Variants in UBE2L3 observed in about 807,000 individuals in gnomAD.
UBE2L3 encodes the protein ubiquitin conjugating enzyme E2 L3, also known as ubiquitin-conjugating enzyme E2 L3.
A neutral mutation model predicts 17.8 loss-of-function variants in UBE2L3; 1 was observed. That is an observed-to-expected ratio of 0.06 (90% confidence interval 0.02 to 0.27). UBE2L3 has a LOEUF of 0.27. Ranked by LOEUF, UBE2L3 falls within the 10% of genes least tolerant of loss-of-function variation. The pLI is 1.00. For synonymous variants in UBE2L3, 44 were observed against 68.5 expected, an observed-to-expected ratio of 0.64 and a Z score of 1.76; for missense variants, 40 against 192.6, an observed-to-expected ratio of 0.21 and a Z score of 4.69.
intron 2 of UBE2L3, among the ~76,000 whole-genome samples, 192 bp downstream of exon 2, chr22:21,593,148 C>G (rs1030089187): frequency 1.3e-5 from 2 of 152,050 alleles, no homozygotes; most frequent in East Asian, 3.9e-4. Context: ...CATCTTGGCA[C>G]TCGTTTTGTC....
At chr22:21,589,196 A>C (rs1928120757) in intron 1 of UBE2L3, among the ~76,000 whole-genome samples, 1 of 131,584 alleles carries the variant, frequency 7.6e-6, no homozygotes, top group Non-Finnish European at 1.5e-5. Flanking sequence ...CCCAGGCTGG[A>C]GTGCAGTGGC....
chr22:21,593,488 C>T (rs1444864435), intron 2 of UBE2L3, among the ~76,000 whole-genome samples: 9 of 152,112 alleles, frequency 5.9e-5, no homozygotes, highest in African/African-American at 2.2e-4. Context: ...GCTTATGCCT[C>T]CAGTGTCTGC....
At chr22:21,598,999 T>C (rs5998644) in intron 2 of UBE2L3, among the ~76,000 whole-genome samples, 47,854 of 151,786 alleles carry the variant, frequency 0.32, 8,780 homozygotes, top group East Asian at 0.51. Context: ...ACCACCACGC[T>C]CGGCTAATTC....
chr22:21,594,762 G>C (rs1222014761), intron 2 of UBE2L3, among the ~76,000 whole-genome samples: 1 of 152,178 alleles, frequency 6.6e-6, no homozygotes, highest in East Asian at 1.9e-4. Flanking sequence ...GGGTTGGCCT[G>C]TGAGTGCAGC....
At position 21,616,030 on chromosome 22, in the gene UBE2L3, A is replaced by C. The variant is rs147516331; in HGVS notation, c.310+4987A>C. 1.6e-4 allele frequency among the ~76,000 whole-genome samples: 25 copies of C among 152,340 alleles called. No individual in the cohort carries two copies. The East Asian group carries it at 3.7e-3, about 22-fold the overall frequency. On this transcript the variant is annotated intron_variant, in intron 3 of 3. Transcript: ENST00000342192. The stretch of plus-strand genomic sequence containing the variant: ...TAAGCTTTATTTGGGCATGAGTTAT[A>C]GTGCTGCTGAGTCAATATTACCTAT...
chr22:21,592,735 G>A, intron 1 of UBE2L3, 126 bp from the exon 2 acceptor site: 1 of 744,796 alleles, frequency 1.3e-6, no homozygotes, highest in Non-Finnish European at 2.3e-6. Flanking sequence ...GCACAGTTTA[G>A]TCCTCACTGT....
chr22:21,579,786 A>AG (rs1927525832), intron 1 of UBE2L3, among the ~76,000 whole-genome samples: 1 of 152,078 alleles, frequency 6.6e-6, no homozygotes, highest in Admixed American at 6.6e-5. Context: ...GAAAAAAAAA[A>AG]GTCATGATTT....
At chr22:21,618,418 T>C (rs1298154031) in intron 3 of UBE2L3, among the ~76,000 whole-genome samples, 1 of 149,736 alleles carries the variant, frequency 6.7e-6, no homozygotes, top group Non-Finnish European at 1.5e-5. Context: ...TACAGAAAAT[T>C]AGCCGGGCAT....
At chr22:21,572,471 A>G (rs941525747) in intron 1 of UBE2L3, among the ~76,000 whole-genome samples, 3 of 151,276 alleles carry the variant, frequency 2.0e-5, no homozygotes, top group Non-Finnish European at 4.4e-5. Context: ...CTCTTGTCTC[A>G]GGGTACTGGG....
chr22:21,601,356 A>G (rs1928848956), intron 2 of UBE2L3, among the ~76,000 whole-genome samples: 1 of 150,950 alleles, frequency 6.6e-6, no homozygotes, highest in South Asian at 2.1e-4. Context: ...CTCGTCCCCC[A>G]GGCTGGAGTG....
intron 3 of UBE2L3, among the ~76,000 whole-genome samples, chr22:21,613,118 C>G (rs894762146): frequency 6.6e-6 from 1 of 152,194 alleles, no homozygotes; most frequent in African/African-American, 2.4e-5. Flanking sequence ...CAGGTTCTGG[C>G]CACAAAGAGT....
At chr22:21,597,465 A>C (rs1928591485) in intron 2 of UBE2L3, among the ~76,000 whole-genome samples, 1 of 151,494 alleles carries the variant, frequency 6.6e-6, no homozygotes, top group Admixed American at 6.6e-5. Flanking sequence ...AGCTAATTTT[A>C]ATTATTTTTT....
At chr22:21,570,218 C>T (rs566215551) in intron 1 of UBE2L3, among the ~76,000 whole-genome samples, 4 of 152,204 alleles carry the variant, frequency 2.6e-5, no homozygotes, top group African/African-American at 9.6e-5. Flanking sequence ...TCCTGGTAGC[C>T]CCCTAGCCTA....
chr22:21,593,001 GTGA>G (rs1254467823), intron 2 of UBE2L3, 45 bp downstream of exon 2: 1 of 1,547,142 alleles, frequency 6.5e-7, no homozygotes, highest in Admixed American at 1.7e-5. Context: ...ATTCTTTAAG[GTGA>G]TGTGTGTGCT....
chr22:21,568,932 A>T (rs1926801724), intron 1 of UBE2L3, among the ~76,000 whole-genome samples: 1 of 152,122 alleles, frequency 6.6e-6, no homozygotes, highest in Admixed American at 6.6e-5. Context: ...ATAAAACTGG[A>T]GTGGAAGTGG....
intron 1 of UBE2L3, among the ~76,000 whole-genome samples, chr22:21,572,755 A>T (rs558193485): frequency 7.9e-4 from 121 of 152,228 alleles, no homozygotes; most frequent in African/African-American, 2.7e-3. Flanking sequence ...TGGGAACGGC[A>T]CATAGATCTG....
upstream of UBE2L3, among the ~76,000 whole-genome samples, chr22:21,563,632 A>C (rs1926531310): frequency 6.9e-6 from 1 of 143,994 alleles, no homozygotes; most frequent in African/African-American, 2.5e-5. Flanking sequence ...GTTGGAGTGC[A>C]ATGGTGTGAT....
chr22:21,609,773 C>G (rs1929378145), intron 2 of UBE2L3, among the ~76,000 whole-genome samples: 1 of 152,090 alleles, frequency 6.6e-6, no homozygotes, highest in Non-Finnish European at 1.5e-5. Context: ...CGCTTATAAA[C>G]CCTGCATTTT....
intron 3 of UBE2L3, 152 bp downstream of exon 3, chr22:21,611,195 C>A: frequency 3.2e-6 from 3 of 931,188 alleles, no homozygotes; most frequent in Non-Finnish European, 4.8e-6. Flanking sequence ...GTGGGAATGG[C>A]TCATCTCAGC....
Sources: gnomAD v4.1 joint callset for allele counts (sites outside exome capture counted in the v4.1 genomes callset) on GRCh38, gnomAD v4.1.1 for gene constraint, MANE v1.5 for transcripts, NCBI Gene and HGNC (gene_info 2026-07-23, HGNC 2026-07-21) for gene names.